PLEKHA7: variants seen among roughly 807,000 people sequenced by gnomAD.
PLEKHA7 encodes pleckstrin homology domain containing A7.
Under a neutral mutation model 170.0 loss-of-function variants are expected in PLEKHA7, and 104 were observed. The ratio of observed to expected loss-of-function variants is 0.61; its 90% confidence interval spans 0.52 to 0.72. The LOEUF is 0.72. PLEKHA7 is among the 30% of genes least tolerant of loss of function. The pLI, the probability that PLEKHA7 is intolerant of heterozygous loss-of-function variation, is 0.00. For synonymous variants in PLEKHA7, 648 were observed against 660.8 expected (o/e 0.98, Z 0.30); for missense variants, 1,615 against 1,671.7 (o/e 0.97, Z 0.59).
chr11:16,910,708 T>G (rs1858186809), intron 3 of PLEKHA7, among the ~76,000 whole-genome samples: 1 of 152,204 alleles, frequency 6.6e-6, no homozygotes, highest in African/African-American at 2.4e-5. Context: ...GGGATGCTGC[T>G]GAACAGCCTG....
At chr11:16,906,756 G>T (rs899036379) in intron 3 of PLEKHA7, among the ~76,000 whole-genome samples, 1 of 140,944 alleles carries the variant, frequency 7.1e-6, no homozygotes, top group African/African-American at 3.0e-5. Flanking sequence ...CCCCGTCTGG[G>T]AAGTGAGGAG....
chr11:16,868,815 T>C (rs144336447), intron 4 of PLEKHA7, among the ~76,000 whole-genome samples: 6 of 152,310 alleles, frequency 3.9e-5, no homozygotes, highest in Non-Finnish European at 8.8e-5. Flanking sequence ...ACTACAGGGA[T>C]GTTTCGGTAG....
At chr11:16,856,014 A>G in intron 4 of PLEKHA7, 100 bp from the exon 5 acceptor site, 1 of 963,396 alleles carries the variant, frequency 1.0e-6, no homozygotes, top group Non-Finnish European at 1.6e-6. Context: ...TGGGCCTTAG[A>G]ACAACCCAAC....
chr11:16,833,297 C>G (rs998439489), intron 9 of PLEKHA7, among the ~76,000 whole-genome samples: 1 of 152,154 alleles, frequency 6.6e-6, no homozygotes, highest in African/African-American at 2.4e-5. Flanking sequence ...TAGGCTGAGG[C>G]TGCCTCCTGC....
intron 10 of PLEKHA7, among the ~76,000 whole-genome samples, chr11:16,822,346 G>A (rs529597287): frequency 4.0e-5 from 6 of 151,862 alleles, no homozygotes; most frequent in Non-Finnish European, 8.8e-5. Flanking sequence ...TGTTAAGCAT[G>A]GTAATTCAGG....
At chr11:16,855,687 C>A (rs1184522267) in intron 5 of PLEKHA7, 116 bp downstream of exon 5, 6 of 787,002 alleles carry the variant, frequency 7.6e-6, no homozygotes, top group Non-Finnish European at 1.1e-5. Context: ...GGGGAGAACA[C>A]TTCTTATGGG....
chr11:16,862,655 T>A (rs918891369), intron 4 of PLEKHA7, among the ~76,000 whole-genome samples: 9 of 152,194 alleles, frequency 5.9e-5, no homozygotes, highest in African/African-American at 2.2e-4. Flanking sequence ...ACATGGTTGC[T>A]GTGTGGCAAT....
At chr11:16,800,530 A>G (rs1378649586) in intron 17 of PLEKHA7, among the ~76,000 whole-genome samples, 4 of 152,184 alleles carry the variant, frequency 2.6e-5, no homozygotes, top group Admixed American at 6.5e-5. Context: ...CAGAATTCAC[A>G]CTGTCTCCCT....
At chr11:16,922,049 A>G (rs1859134056) in intron 3 of PLEKHA7, among the ~76,000 whole-genome samples, 1 of 152,210 alleles carries the variant, frequency 6.6e-6, no homozygotes, top group South Asian at 2.1e-4. Flanking sequence ...GGGTTCTCCA[A>G]GGCCTCTTTG....
rs770100843 is a variant in PLEKHA7, at chr11:16,782,909, C to A, written c.3651-13G>T. On this transcript the variant is annotated splice_polypyrimidine_tract_variant and intron_variant, in intron 25 of 26. Coordinates refer to ENST00000531066, the MANE Select transcript of PLEKHA7 (RefSeq NM_001329630.2). ...TAGGTTGCACATGCTGTAGGAGGGT[C>A]GGAAGCAGACCATGGGCCCTCCTGC... 2.1e-5 allele frequency: 32 copies of A among 1,534,998 alleles called. 1 individual carries two copies. The South Asian group carries it at 3.7e-4, about 18-fold the overall frequency.
chr11:16,790,987 G>A (rs200529055), intron 20 of PLEKHA7, 24 bp downstream of exon 20: 13 of 1,613,898 alleles, frequency 8.1e-6, no homozygotes, highest in Non-Finnish European at 1.1e-5. Context: ...ATGTAGAGTG[G>A]CAGCCCCAGG....
At chr11:16,928,576 C>G (rs1859723704) in intron 3 of PLEKHA7, among the ~76,000 whole-genome samples, 1 of 151,844 alleles carries the variant, frequency 6.6e-6, no homozygotes, top group Non-Finnish European at 1.5e-5. Flanking sequence ...CCTCAGTCTT[C>G]TGAGTAGCTG....
chr11:16,961,743 A>G (rs1161604365), intron 3 of PLEKHA7, among the ~76,000 whole-genome samples: 1 of 152,234 alleles, frequency 6.6e-6, no homozygotes, highest in East Asian at 1.9e-4. Context: ...GGGGGTGAGA[A>G]GGCCATGGAC....
At chr11:16,921,445 A>G (rs1217367262) in intron 3 of PLEKHA7, among the ~76,000 whole-genome samples, 1 of 152,238 alleles carries the variant, frequency 6.6e-6, no homozygotes, top group Admixed American at 6.5e-5. Flanking sequence ...GAGGGGCACA[A>G]AAATAGCAAA....
rs1029565332 is a variant in PLEKHA7, at chr11:16,940,534, C to T, written c.222-69352G>A. Among the ~76,000 whole-genome samples the T allele has an allele frequency of 5.3e-5, 8 of 152,082 alleles. No homozygotes were observed. The East Asian group carries it at 9.7e-4, about 18-fold the overall frequency. On this transcript the variant is annotated intron_variant, in intron 3 of 26. Transcript: ENST00000531066. The stretch of plus-strand genomic sequence containing the variant: ...AACTCCTGACCTCAGGTGATCCGCC[C>T]GCCTCAGCCTCCTAAAGTGCTGGGA...
chr11:16,995,948 A>G (rs1019642414), intron 3 of PLEKHA7, among the ~76,000 whole-genome samples: 2 of 152,186 alleles, frequency 1.3e-5, no homozygotes, highest in African/African-American at 4.8e-5. Flanking sequence ...CAAAACTGAG[A>G]ATCTGAGCTA....
intron 3 of PLEKHA7, among the ~76,000 whole-genome samples, chr11:16,965,888 A>G (rs1862342679): frequency 1.3e-5 from 2 of 152,188 alleles, no homozygotes; most frequent in African/African-American, 4.8e-5. Flanking sequence ...CTTTTAATAA[A>G]ACAGGTAGAA....
intron 8 of PLEKHA7, among the ~76,000 whole-genome samples, chr11:16,843,994 GA>G (rs150134417): frequency 0.042 from 6,438 of 152,144 alleles, 444 homozygotes; most frequent in African/African-American, 0.14. Flanking sequence ...ATGTCTTACT[GA>G]AAATCAGCAG....
intron 25 of PLEKHA7, 35 bp downstream of exon 25, chr11:16,783,665 G>A (rs754065844): frequency 2.5e-5 from 35 of 1,373,472 alleles, no homozygotes; most frequent in Non-Finnish European, 3.1e-5. Flanking sequence ...TGGGGTCAGG[G>A]TGACCTGCCA....
Sources: allele counts gnomAD v4.1 joint callset (sites outside exome capture counted in the v4.1 genomes callset), GRCh38; gene constraint gnomAD v4.1.1; transcripts MANE v1.5; gene names NCBI Gene and HGNC (gene_info 2026-07-23, HGNC 2026-07-21).